Variants in IGF2BP1 observed in about 807,000 individuals in gnomAD.
IGF2BP1 encodes the protein insulin like growth factor 2 mRNA binding protein 1, also known as insulin-like growth factor 2 mRNA-binding protein 1.
IGF2BP1 carries 11 observed loss-of-function variants against 74.9 expected under a neutral mutation model. The observed-to-expected ratio is 0.15, with a 90% CI of 0.09 to 0.24. The LOEUF is 0.24. Ranked by LOEUF, IGF2BP1 falls within the 10% of genes least tolerant of loss-of-function variation. The pLI, the probability that IGF2BP1 is intolerant of heterozygous loss-of-function variation, is 1.00. For synonymous variants in IGF2BP1, 287 were observed against 281.8 expected, an observed-to-expected ratio of 1.02 and a Z score of -0.18; for missense variants, 440 against 757.4, an observed-to-expected ratio of 0.58 and a Z score of 4.92.
chr17:49,005,801 T>C (rs1356321471), intron 2 of IGF2BP1, among the ~76,000 whole-genome samples: 1 of 152,054 alleles, frequency 6.6e-6, no homozygotes, highest in African/African-American at 2.4e-5. Flanking sequence ...GTGGCTCACA[T>C]CTGCAATCCT....
Position 48,999,141 on chromosome 17 carries a change from A to G in IGF2BP1, c.208A>G (p.Ile70Val). 1.4e-6 allele frequency: 2 copies of G among 1,449,430 alleles called. No individual in the cohort carries two copies. Among genetic ancestry groups the G allele is most frequent in the African/African-American group, 3.1e-5 (2 of 64,186 alleles). 89.8% of individuals were successfully genotyped at this position (1,449,430 alleles called of 1,614,324 possible). A position where few individuals can be genotyped will look rare whatever the true frequency, so the allele number is the denominator to read the frequency against. ...KVELQGKRLE[I>V]EHSVPKKQRS... ...AGAATTACAAGGAAAACGCTTAGAG[A>G]TTGAACATTCGGTGCCCAAAAAACA... Residue 70 changes from isoleucine (I) to valine (V), a missense_variant, in exon 2 of 15, where the codon ATT (isoleucine) becomes GTT (valine). Physicochemically the swap from Ile to Val is conservative, Grantham distance 29 (BLOSUM62 3). This residue lies in a region of IGF2BP1 where 105 missense variants were observed against 199.4 expected (regional missense o/e 0.53). Coordinates refer to ENST00000290341, the MANE Select transcript of IGF2BP1 (RefSeq NM_006546.4).
intron 2 of IGF2BP1, among the ~76,000 whole-genome samples, chr17:49,004,029 G>C (rs978518642): frequency 6.6e-6 from 1 of 152,066 alleles, no homozygotes; most frequent in Admixed American, 6.5e-5. Context: ...TTCCTGGAGC[G>C]CTCGCCCCGG....
intron 2 of IGF2BP1, chr17:49,004,508 G>A (rs1165514527): frequency 6.6e-6 from 1 of 152,238 alleles, no homozygotes; most frequent in African/African-American, 2.4e-5. Flanking sequence ...AGTAGCTGGG[G>A]TCTTGGCCTG....
intron 2 of IGF2BP1, among the ~76,000 whole-genome samples, chr17:49,010,484 C>A (rs533363292): frequency 1.3e-5 from 2 of 151,628 alleles, no homozygotes; most frequent in Admixed American, 1.3e-4. Context: ...CGCCCGGCTA[C>A]TTTTTGTATT....
chr17:49,025,240 TC>T (rs2041836112), intron 2 of IGF2BP1, among the ~76,000 whole-genome samples: 1 of 151,886 alleles, frequency 6.6e-6, no homozygotes, highest in Non-Finnish European at 1.5e-5. Flanking sequence ...AGCTTTGTAT[TC>T]CTAGTGCCTG....
intron 2 of IGF2BP1, among the ~76,000 whole-genome samples, chr17:49,019,372 A>G (rs546505907): frequency 4.6e-5 from 7 of 152,312 alleles, no homozygotes; most frequent in South Asian, 4.1e-4. Flanking sequence ...TAGAACACCA[A>G]TAGGAAAATT....
At chr17:49,029,014 C>T (rs2041890062) in intron 4 of IGF2BP1, among the ~76,000 whole-genome samples, 1 of 152,146 alleles carries the variant, frequency 6.6e-6, no homozygotes, top group African/African-American at 2.4e-5. Flanking sequence ...ACCATATTGG[C>T]CAGGCTGGTC....
rs1598156468 is a variant in IGF2BP1 at position 49,041,362 on chromosome 17, C to G, written c.819-16C>G. 6.2e-6 allele frequency: 10 copies of G among 1,613,362 alleles called. No individual in the cohort carries two copies. In the East Asian group the frequency reaches 2.0e-4, roughly 32 times the overall value. On this transcript the variant is annotated splice_polypyrimidine_tract_variant and intron_variant, in intron 7 of 14. Transcript: ENST00000290341. Reference sequence around the variant, plus strand: ...AAGGAACTCTTGTCTTCCACTTCTTCCTTTGTCTTCCCAAGGGCTGACGAG... The same window carrying G: ...AAGGAACTCTTGTCTTCCACTTCTTGCTTTGTCTTCCCAAGGGCTGACGAG...
At chr17:49,000,254 A>G (rs1270376023) in intron 2 of IGF2BP1, among the ~76,000 whole-genome samples, 2 of 152,156 alleles carry the variant, frequency 1.3e-5, no homozygotes, top group African/African-American at 2.4e-5. Context: ...ACATTTCAGG[A>G]TAGTCTCTGG....
rs372405074 is a variant in IGF2BP1, at chr17:49,043,971, C to T, written c.1205C>T (p.Ala402Val). 4 of 1,613,638 alleles carry T rather than the reference C, an allele frequency of 2.5e-6. No homozygotes were observed. In the African/African-American group the frequency reaches 5.3e-5, roughly 22 times the overall value. The change falls in exon 11 of 15, where the codon GCT (alanine) becomes GTT (valine). Residue 402 changes from alanine (A) to valine (V), a missense_variant. By Grantham distance (64) the Ala-to-Val change is moderately conservative. Transcript: ENST00000290341. ...CAACGCCTCCTATCCTGGCAGCAGG[C>T]TCCCGAGCAGGAGATGGTGCAGGTG... ...GAAPYSSFMQ[A>V]PEQEMVQVFI...
chr17:49,013,628 C>T (rs567197249), intron 2 of IGF2BP1: 1 of 152,500 alleles, frequency 6.6e-6, no homozygotes, highest in African/African-American at 2.4e-5. Flanking sequence ...TCAGTCACAG[C>T]CCTGACCACA....
At chr17:49,034,838 G>A (rs2041969184) in intron 5 of IGF2BP1, among the ~76,000 whole-genome samples, 1 of 152,014 alleles carries the variant, frequency 6.6e-6, no homozygotes, top group South Asian at 2.1e-4. Flanking sequence ...ACCAAAGGAG[G>A]TGCCAGACTT....
chr17:49,007,058 G>T (rs771266763), intron 2 of IGF2BP1, among the ~76,000 whole-genome samples: 1 of 152,152 alleles, frequency 6.6e-6, no homozygotes, highest in Admixed American at 6.5e-5. Flanking sequence ...TGGTGAGAGG[G>T]GAACTAACTC....
At chr17:49,020,463 T>C (rs554296993) in intron 2 of IGF2BP1, among the ~76,000 whole-genome samples, 1 of 152,266 alleles carries the variant, frequency 6.6e-6, no homozygotes, top group Admixed American at 6.5e-5. Flanking sequence ...GGTACTGAGA[T>C]AGAGAGGTTG....
At chr17:49,004,495 C>G (rs919576222) in intron 2 of IGF2BP1, 1 of 152,246 alleles carries the variant, frequency 6.6e-6, no homozygotes, top group African/African-American at 2.4e-5. Flanking sequence ...GTTCCTCTCT[C>G]CCAGTAGCTG....
intron 7 of IGF2BP1, 28 bp from the exon 8 acceptor site, chr17:49,041,350 C>T (rs1235907874): frequency 4.3e-6 from 7 of 1,612,660 alleles, no homozygotes; most frequent in South Asian, 1.1e-5. Context: ...GAACTCTTGT[C>T]TTCCACTTCT....
intron 2 of IGF2BP1, among the ~76,000 whole-genome samples, chr17:49,019,142 A>G (rs1411906024): frequency 1.3e-5 from 2 of 152,104 alleles, no homozygotes; most frequent in Admixed American, 6.5e-5. Flanking sequence ...GCTTCTGGGT[A>G]TGGGGGCTGA....
rs566707064 is a variant in IGF2BP1, at chr17:49,011,457, A to T, written c.236+12288A>T. On this transcript the variant is annotated intron_variant, in intron 2 of 14. Coordinates refer to ENST00000290341, the MANE Select transcript of IGF2BP1 (RefSeq NM_006546.4). ...GAATTTCCCAAAGAACTCTGAAGGT[A>T]TTATCATCTTCATCCTACAGAAGAA... is the stretch of plus-strand genomic sequence containing the variant. Among the ~76,000 whole-genome samples the T allele has an allele frequency of 2.6e-5, 4 of 152,336 alleles. No individual in the cohort carries two copies. The South Asian group carries it at 8.3e-4, about 32-fold the overall frequency.
chr17:49,043,161 ACTC>A (rs1287523511), intron 9 of IGF2BP1, among the ~76,000 whole-genome samples: 1 of 151,842 alleles, frequency 6.6e-6, no homozygotes, highest in Non-Finnish European at 1.5e-5. Context: ...GAGAGGAAGG[ACTC>A]CTGAGGGTGT....
Sources: allele counts gnomAD v4.1 joint callset (sites outside exome capture counted in the v4.1 genomes callset), GRCh38; gene constraint gnomAD v4.1.1; regional missense constraint gnomAD v4.1.1; transcripts MANE v1.5; gene names NCBI Gene and HGNC (gene_info 2026-07-23, HGNC 2026-07-21).